NCAM2: variants seen among roughly 807,000 people sequenced by gnomAD.
NCAM2 encodes neural cell adhesion molecule 2.
Under a neutral mutation model 98.1 loss-of-function variants are expected in NCAM2, and 30 were observed. The ratio of observed to expected loss-of-function variants is 0.31; its 90% confidence interval spans 0.23 to 0.41. NCAM2 has a LOEUF of 0.41. NCAM2 is among the 10% of genes least tolerant of loss of function. The probability of loss-of-function intolerance (pLI) is 1.00; values close to 1 mark genes in which losing one functional copy is unlikely to be tolerated. For missense variants in NCAM2, 867 were observed against 1,005.8 expected (o/e 0.86, Z 1.87); for synonymous variants, 368 against 342.4 (o/e 1.07, Z -0.83).
chr21:21,518,356 A>T (rs1180230981), intron 16 of NCAM2, among the ~76,000 whole-genome samples: 1 of 152,204 alleles, frequency 6.6e-6, no homozygotes, highest in East Asian at 1.9e-4. Context: ...TATTTATTGG[A>T]CATGGAATAA....
intron 1 of NCAM2, among the ~76,000 whole-genome samples, chr21:21,066,426 A>T (rs1479987375): frequency 6.6e-6 from 1 of 151,986 alleles, no homozygotes; most frequent in Non-Finnish European, 1.5e-5. Flanking sequence ...ATACACACAC[A>T]CACACAGATA....
At chr21:21,362,630 A>G (rs767643956) in intron 8 of NCAM2, among the ~76,000 whole-genome samples, 1 of 152,170 alleles carries the variant, frequency 6.6e-6, no homozygotes, top group Non-Finnish European at 1.5e-5. Flanking sequence ...GGGCATTGCA[A>G]ACTCTTCAGT....
In NCAM2 at chr21:21,288,915, C is replaced by G. The variant is rs62207664; in HGVS notation, c.481+2503C>G. Among the ~76,000 whole-genome samples, 1,075 of 151,996 alleles carry G rather than the reference C, an allele frequency of 7.1e-3. 6 individuals are homozygous for G. The highest frequency in any genetic ancestry group is 0.013 in the Non-Finnish European group (858 of 67,916). On this transcript the variant is annotated intron_variant, in intron 4 of 17. Transcript: ENST00000400546. ...GTGGCAGATATTCAGAATTAAACTT[C>G]CTGCAGAAAAGCAGTGGAGATTTTC...
At chr21:21,410,551 A>G in intron 10 of NCAM2, 90 bp downstream of exon 10, 1 of 628,948 alleles carries the variant, frequency 1.6e-6, no homozygotes, top group Non-Finnish European at 2.4e-6. Flanking sequence ...ATATGCATAT[A>G]TATATATAAT....
chr21:21,201,730 C>T (rs143814366), intron 1 of NCAM2, among the ~76,000 whole-genome samples: 1 of 152,142 alleles, frequency 6.6e-6, no homozygotes, highest in Admixed American at 6.6e-5. Context: ...TCATTCCTAG[C>T]TGCACGATTG....
rs1280356413 is a variant in NCAM2, at chr21:21,385,688, AC to A, written c.1195+11676del. 2.3e-6 allele frequency: 3 copies of A among 1,280,324 alleles called. No homozygotes were observed. In the East Asian group the frequency reaches 1.7e-4, roughly 71 times the overall value. 79.3% of individuals were successfully genotyped at this position (1,280,324 alleles called of 1,614,324 possible). ...TACTAAGAAGCAGGAATTGAACTAA[AC>A]TTCCAATTTCTAAAACAAAGGAGAA... On this transcript the variant is annotated intron_variant, in intron 9 of 17. Coordinates refer to ENST00000400546, the MANE Select transcript of NCAM2 (RefSeq NM_004540.5).
chr21:21,509,635 T>A (rs1988235110), intron 16 of NCAM2, among the ~76,000 whole-genome samples: 1 of 152,182 alleles, frequency 6.6e-6, no homozygotes, highest in Non-Finnish European at 1.5e-5. Flanking sequence ...TCTGTGTAGT[T>A]CTATTTAGTT....
At chr21:21,195,808 C>T (rs2146990123) in intron 1 of NCAM2, among the ~76,000 whole-genome samples, 1 of 152,210 alleles carries the variant, frequency 6.6e-6, no homozygotes, top group Non-Finnish European at 1.5e-5. Flanking sequence ...AAATGTTAGT[C>T]AGACTCTAGT....
chr21:21,124,760 C>G (rs2066751325), intron 1 of NCAM2, among the ~76,000 whole-genome samples: 1 of 152,130 alleles, frequency 6.6e-6, no homozygotes, highest in Admixed American at 6.5e-5. Context: ...CTATCACCAT[C>G]CTAAAACAAC....
chr21:21,359,303 C>T (rs2075580267), intron 8 of NCAM2, among the ~76,000 whole-genome samples: 1 of 151,592 alleles, frequency 6.6e-6, no homozygotes, highest in South Asian at 2.1e-4. Flanking sequence ...TATAATTAGG[C>T]CTGTTAGAAA....
intron 1 of NCAM2, among the ~76,000 whole-genome samples, chr21:21,056,008 G>C (rs2065202482): frequency 6.6e-6 from 1 of 152,092 alleles, no homozygotes; most frequent in African/African-American, 2.4e-5. Flanking sequence ...ACCTCATTTT[G>C]CTAGCAATAT....
intron 12 of NCAM2, among the ~76,000 whole-genome samples, chr21:21,435,631 TA>T (rs915348031): frequency 2.0e-5 from 3 of 152,144 alleles, no homozygotes; most frequent in African/African-American, 7.2e-5. Context: ...CTTAGGTATT[TA>T]ATGTTTTTTT....
At chr21:21,115,689 T>C (rs147641703) in intron 1 of NCAM2, among the ~76,000 whole-genome samples, 1 of 152,338 alleles carries the variant, frequency 6.6e-6, no homozygotes, top group East Asian at 1.9e-4. Context: ...TTCTATACTC[T>C]GACATAATTG....
chr21:21,524,748 T>G (rs989753210), intron 16 of NCAM2, among the ~76,000 whole-genome samples: 1 of 152,144 alleles, frequency 6.6e-6, no homozygotes, highest in East Asian at 1.9e-4. Flanking sequence ...GGCACCAAGA[T>G]AGATCACACC....
chr21:21,112,454 A>T lies in NCAM2; in HGVS notation c.55+113836A>T, dbSNP rs182353996. On this transcript the variant is annotated intron_variant, in intron 1 of 17. Transcript: ENST00000400546. ...CCTGTTTCTATTACAACTTCTATCA[A>T]CAGTGTTGGCTTTCTATTTGAAATA... Among the ~76,000 whole-genome samples, 6 of 152,266 alleles carry T rather than the reference A, an allele frequency of 3.9e-5. No homozygotes were observed. The East Asian group carries it at 1.2e-3, about 29-fold the overall frequency.
At chr21:21,006,803 T>A (rs949043671) in intron 1 of NCAM2, among the ~76,000 whole-genome samples, 6 of 152,154 alleles carry the variant, frequency 3.9e-5, no homozygotes, top group Admixed American at 6.6e-5. Flanking sequence ...TGTTTGTTTT[T>A]TGTTTACTTT....
intron 9 of NCAM2, among the ~76,000 whole-genome samples, chr21:21,390,844 A>G (rs1247595094): frequency 6.6e-6 from 1 of 152,226 alleles, no homozygotes; most frequent in Non-Finnish European, 1.5e-5. Flanking sequence ...ATGTATGGTC[A>G]AAAGAGTAAT....
At chr21:21,318,091 T>C (rs2074271573) in intron 5 of NCAM2, among the ~76,000 whole-genome samples, 1 of 152,142 alleles carries the variant, frequency 6.6e-6, no homozygotes, top group African/African-American at 2.4e-5. Context: ...AGATACATGG[T>C]TGGAAAAGGG....
At chr21:21,341,179 A>T (rs2075022607) in intron 8 of NCAM2, among the ~76,000 whole-genome samples, 1 of 152,116 alleles carries the variant, frequency 6.6e-6, no homozygotes, top group Non-Finnish European at 1.5e-5. Context: ...TGTAAAGTAT[A>T]ACTAAGGTTT....
Sources: allele counts gnomAD v4.1 joint callset (sites outside exome capture counted in the v4.1 genomes callset), GRCh38; gene constraint gnomAD v4.1.1; transcripts MANE v1.5; gene names NCBI Gene and HGNC (gene_info 2026-07-23, HGNC 2026-07-21).